ZNF469: variants seen among roughly 807,000 people sequenced by gnomAD.
ZNF469 encodes the protein zinc finger protein 469.
A neutral mutation model predicts 1.0 loss-of-function variants in ZNF469; 1 was observed. The observed-to-expected ratio is 1.00, with a 90% CI of 0.35 to 4.73. ZNF469 has a LOEUF of 4.73. Ranked by LOEUF, ZNF469 falls within the 30% of genes most tolerant of loss-of-function variation. The probability of loss-of-function intolerance (pLI) is 0.16; values close to 1 mark genes in which losing one functional copy is unlikely to be tolerated. For missense variants in ZNF469, 6,100 were observed against 5,356.3 expected (o/e 1.14, Z -4.33); for synonymous variants, 2,703 against 2,363.4 (o/e 1.14, Z -4.17).
chr16:88,296,770 C>T, the ZNF469 span, among the ~76,000 whole-genome samples: 1 of 152,222 alleles, frequency 6.6e-6, no homozygotes, highest in Non-Finnish European at 1.5e-5. Context: ...TACATGCACA[C>T]ACACATGCAC....
intron 1 of ZNF469, among the ~76,000 whole-genome samples, chr16:88,419,760 C>T (rs894491832): frequency 6.6e-6 from 1 of 152,214 alleles, no homozygotes; most frequent in Non-Finnish European, 1.5e-5. Context: ...GGCCAAGCCT[C>T]GGCTGAAGAG....
chr16:88,325,304 G>A, the ZNF469 span, among the ~76,000 whole-genome samples: 2 of 151,712 alleles, frequency 1.3e-5, no homozygotes, highest in Admixed American at 1.3e-4. Context: ...ACCCCGGGGG[G>A]CCGCAGGGGC....
intron 1 of ZNF469, among the ~76,000 whole-genome samples, chr16:88,387,916 A>C (rs967797689): frequency 9.9e-5 from 15 of 152,178 alleles, no homozygotes; most frequent in African/African-American, 2.9e-4. Context: ...TGGCCCCTCA[A>C]GTGGAAAGAA....
the ZNF469 span, among the ~76,000 whole-genome samples, chr16:88,108,873 C>T: frequency 8.8e-4 from 134 of 152,296 alleles, no homozygotes; most frequent in African/African-American, 3.1e-4. Context: ...GCTGAGGCCT[C>T]GGGCCACCAG....
chr16:88,112,189 G>C, the ZNF469 span, among the ~76,000 whole-genome samples: 1 of 152,034 alleles, frequency 6.6e-6, no homozygotes, highest in South Asian at 2.1e-4. Context: ...CTGAATCCCA[G>C]CACTTCGGGA....
At chr16:88,395,748 G>T (rs1904641289) in intron 1 of ZNF469, among the ~76,000 whole-genome samples, 1 of 152,224 alleles carries the variant, frequency 6.6e-6, no homozygotes, top group Non-Finnish European at 1.5e-5. Flanking sequence ...TCTAGAGTCT[G>T]ATCTTCACTC....
chr16:88,118,846 T>C, the ZNF469 span, among the ~76,000 whole-genome samples: 3 of 152,184 alleles, frequency 2.0e-5, no homozygotes, highest in Non-Finnish European at 4.4e-5. Flanking sequence ...GGATAAGCAA[T>C]AGAGAATGCT....
the ZNF469 span, among the ~76,000 whole-genome samples, chr16:88,271,062 C>G: frequency 6.6e-6 from 1 of 152,148 alleles, no homozygotes; most frequent in Non-Finnish European, 1.5e-5. Flanking sequence ...GAATGAGTCG[C>G]ATTCCCTCTC....
At chr16:88,193,117 ATGGTGGTGGTGG>A in the ZNF469 span, among the ~76,000 whole-genome samples, 1 of 67,242 alleles carries the variant, frequency 1.5e-5, no homozygotes, top group Admixed American at 1.3e-4. Context: ...GGTGGTGGTG[ATGGTGGTGGTGG>A]TGATGGTGGT....
chr16:88,415,151 G>C (rs1253286110), intron 1 of ZNF469, among the ~76,000 whole-genome samples: 2 of 152,204 alleles, frequency 1.3e-5, no homozygotes, highest in African/African-American at 2.4e-5. Context: ...CCACCTTGTG[G>C]GGCCTTGAGA....
chr16:88,349,464 G>A, the ZNF469 span, among the ~76,000 whole-genome samples: 20 of 90,176 alleles, frequency 2.2e-4, no homozygotes, highest in African/African-American at 5.4e-4. Flanking sequence ...ACACAAGTAC[G>A]CACACCCGGC....
chr16:88,172,228 T>A, the ZNF469 span, among the ~76,000 whole-genome samples: 5 of 152,168 alleles, frequency 3.3e-5, no homozygotes, highest in African/African-American at 1.2e-4. Flanking sequence ...TGGCTAAGCG[T>A]TGATCTGTGT....
At chr16:88,383,980 C>T (rs2092531830) in intron 1 of ZNF469, among the ~76,000 whole-genome samples, 1 of 152,206 alleles carries the variant, frequency 6.6e-6, no homozygotes, top group Non-Finnish European at 1.5e-5. Flanking sequence ...CCGCGGCCAC[C>T]CAGTCCTTGT....
intron 1 of ZNF469, among the ~76,000 whole-genome samples, chr16:88,421,441 G>T (rs776133387): frequency 1.3e-5 from 2 of 152,232 alleles, no homozygotes; most frequent in African/African-American, 4.8e-5. Flanking sequence ...TCTGCCAAGA[G>T]CCTTGGCGGG....
the ZNF469 span, among the ~76,000 whole-genome samples, chr16:88,143,332 C>T: frequency 6.6e-6 from 1 of 152,370 alleles, no homozygotes; most frequent in South Asian, 2.1e-4. Context: ...CCGTCTCCAG[C>T]CTTAAGGAGG....
rs565787076 is a variant in ZNF469 at position 88,429,851 on chromosome 16, C to T, written c.2381C>T (p.Ala794Val). The T allele has an allele frequency of 1.2e-5, 19 of 1,549,698 alleles. No homozygotes were observed. In the East Asian group the frequency reaches 2.9e-4, roughly 24 times the overall value. ...GCACACGCGGGCTTGCTCAGCCACG[C>T]GAAGACCTTCCTGTTAGCTGGGGAC... ...ADAHAGLLSHAKTFLLAGDAQ... is the reference protein window; with the variant it reads ...ADAHAGLLSHVKTFLLAGDAQ... Residue 794 changes from alanine (A) to valine (V), a missense_variant, in exon 3 of 3, where the codon GCG (alanine) becomes GTG (valine). Transcript: ENST00000565624.
chr16:88,260,248 C>G, the ZNF469 span, among the ~76,000 whole-genome samples: 1 of 152,304 alleles, frequency 6.6e-6, no homozygotes. The surrounding 1 kb of genome is among the most constrained non-coding windows in gnomAD (Gnocchi z 4.1). Flanking sequence ...CTCGGCCTCC[C>G]GAAGTGCTGG....
the ZNF469 span, among the ~76,000 whole-genome samples, chr16:88,168,021 C>T: frequency 2.6e-5 from 4 of 152,252 alleles, no homozygotes; most frequent in African/African-American, 4.8e-5. This position sits in a 1 kb window ranked among gnomAD's most constrained non-coding sequence, Gnocchi z 4.3. Context: ...CCACCCGCTT[C>T]GCGATGAACC....
the ZNF469 span, among the ~76,000 whole-genome samples, chr16:88,208,629 G>GA: frequency 1.2e-5 from 1 of 80,680 alleles, no homozygotes; most frequent in Non-Finnish European, 3.0e-5. Flanking sequence ...GGAGAAGTGG[G>GA]AGGGAGAGAA....
Sources: allele counts gnomAD v4.1 joint callset (sites outside exome capture counted in the v4.1 genomes callset), GRCh38; gene constraint gnomAD v4.1.1; non-coding constraint Gnocchi (gnomAD v3.1); transcripts MANE v1.5; gene names NCBI Gene and HGNC (gene_info 2026-07-23, HGNC 2026-07-21).